Variants in VGLL4 observed in about 807,000 individuals in gnomAD.
The protein encoded by VGLL4 is transcription cofactor vestigial-like protein 4.
VGLL4 carries 7 observed loss-of-function variants against 21.0 expected under a neutral mutation model. That is an observed-to-expected ratio of 0.33 (90% CI 0.19 to 0.63). The LOEUF is 0.63. VGLL4 is among the 20% of genes least tolerant of loss of function. The pLI, the probability that VGLL4 is intolerant of heterozygous loss-of-function variation, is 0.78. For synonymous variants in VGLL4, 222 were observed against 173.2 expected, an observed-to-expected ratio of 1.28 and a Z score of -2.21; for missense variants, 394 against 425.7, an observed-to-expected ratio of 0.93 and a Z score of 0.66.
intron 2 of VGLL4, among the ~76,000 whole-genome samples, chr3:11,578,613 A>C (rs1354000201): frequency 6.6e-6 from 1 of 151,410 alleles, no homozygotes; most frequent in Non-Finnish European, 1.5e-5. Context: ...AAAAAAAAGT[A>C]ATAATAATAA....
intron 2 of VGLL4, among the ~76,000 whole-genome samples, chr3:11,580,106 C>T (rs1343900044): frequency 6.6e-6 from 1 of 152,202 alleles, no homozygotes; most frequent in African/African-American, 2.4e-5. Context: ...GTGCCGCCAA[C>T]CGCACCATCC....
At chr3:11,679,002 CAT>C (rs1297587247) in intron 2 of VGLL4, among the ~76,000 whole-genome samples, 1 of 152,076 alleles carries the variant, frequency 6.6e-6, no homozygotes, top group Non-Finnish European at 1.5e-5. Flanking sequence ...CGCTGCCAGT[CAT>C]ATAAAAGTTT....
intron 1 of VGLL4, among the ~76,000 whole-genome samples, chr3:11,629,377 G>A (rs1237455546): frequency 6.7e-6 from 1 of 150,070 alleles, no homozygotes; most frequent in Non-Finnish European, 1.5e-5. Flanking sequence ...AAAAAAAAAG[G>A]TTAAGGTCCA....
chr3:11,606,436 G>A (rs2074942139), intron 1 of VGLL4, among the ~76,000 whole-genome samples: 1 of 152,236 alleles, frequency 6.6e-6, no homozygotes, highest in African/African-American at 2.4e-5. Context: ...AAAAGTGTTA[G>A]CAAGGATGTG....
chr3:11,671,915 A>G (rs2125368904), intron 2 of VGLL4, among the ~76,000 whole-genome samples: 1 of 152,286 alleles, frequency 6.6e-6, no homozygotes, highest in African/African-American at 2.4e-5. Flanking sequence ...TTATTTTTTG[A>G]CTAACTTCTT....
chr3:11,625,728 T>C (rs1243765588), intron 1 of VGLL4, among the ~76,000 whole-genome samples: 1 of 152,012 alleles, frequency 6.6e-6, no homozygotes, highest in Non-Finnish European at 1.5e-5. Flanking sequence ...TTTTTTTTTT[T>C]TGTAAATAAA....
chr3:11,700,541 C>T (rs1454769422), intron 2 of VGLL4, among the ~76,000 whole-genome samples: 2 of 152,122 alleles, frequency 1.3e-5, no homozygotes, highest in Admixed American at 6.5e-5. Context: ...CTCCCTTCAC[C>T]CCCAAAAACT....
At chr3:11,671,071 G>A (rs541952105) in intron 2 of VGLL4, among the ~76,000 whole-genome samples, 1 of 152,292 alleles carries the variant, frequency 6.6e-6, no homozygotes, top group East Asian at 1.9e-4. Flanking sequence ...GTGCATTAAG[G>A]AGAGTCGACA....
intron 1 of VGLL4, among the ~76,000 whole-genome samples, chr3:11,629,980 G>A (rs1559911065): frequency 6.6e-6 from 1 of 151,782 alleles, no homozygotes; most frequent in South Asian, 2.1e-4. Context: ...AAAGGAAAGT[G>A]TTCTCAAAAA....
intron 1 of VGLL4, among the ~76,000 whole-genome samples, chr3:11,637,533 TTCTC>T (rs1210831594): frequency 6.6e-6 from 1 of 152,252 alleles, no homozygotes. Flanking sequence ...TAAGAATAGA[TTCTC>T]TATTTCATTT....
In VGLL4 at chr3:11,621,086, GCACA is replaced by G. The variant is rs371321183; in HGVS notation, c.83-19068_83-19065del. Among the ~76,000 whole-genome samples the G allele has an allele frequency of 7.1e-4, 108 of 152,236 alleles. 1 individual carries two copies. In the East Asian group the frequency reaches 0.018, roughly 25 times the overall value. On this transcript the variant is annotated intron_variant, in intron 1 of 4. Coordinates refer to ENST00000430365, the MANE Select transcript of VGLL4 (RefSeq NM_001128219.3). ...GCACAATATTTTAATGTAAGCAAAT[GCACA>G]CACACAAAGAACTTTGCAAAGAATG...
chr3:11,618,415 T>C (rs531652144), intron 1 of VGLL4, among the ~76,000 whole-genome samples: 1 of 152,220 alleles, frequency 6.6e-6, no homozygotes, highest in South Asian at 2.1e-4. Context: ...TATTGGAGAG[T>C]TACTGGAGAG....
intron 2 of VGLL4, among the ~76,000 whole-genome samples, chr3:11,688,372 T>A (rs941481061): frequency 4.6e-5 from 7 of 152,160 alleles, no homozygotes; most frequent in African/African-American, 1.7e-4. Flanking sequence ...TTTGGTAAAA[T>A]TCACCTATAA....
At chr3:11,583,763 C>T (rs1333199985) in intron 2 of VGLL4, among the ~76,000 whole-genome samples, 1 of 152,190 alleles carries the variant, frequency 6.6e-6, no homozygotes, top group South Asian at 2.1e-4. Context: ...GGGCACATTC[C>T]TGCCCATCAC....
At chr3:11,674,147 T>C (rs1180401156) in intron 2 of VGLL4, among the ~76,000 whole-genome samples, 1 of 149,636 alleles carries the variant, frequency 6.7e-6, no homozygotes, top group African/African-American at 2.5e-5. Flanking sequence ...CTACACTCAA[T>C]CTATCAATCC....
intron 2 of VGLL4, among the ~76,000 whole-genome samples, chr3:11,574,783 ATATGTGTGTGTG>A (rs1227204549): frequency 2.4e-3 from 273 of 111,856 alleles, no homozygotes; most frequent in African/African-American, 7.8e-3. Context: ...ATTCAACTAT[ATATGTGTGTGTG>A]TGTGTGTGTG....
intron 2 of VGLL4, among the ~76,000 whole-genome samples, chr3:11,651,994 C>T (rs901502661): frequency 3.3e-5 from 5 of 152,162 alleles, no homozygotes; most frequent in African/African-American, 4.8e-5. Flanking sequence ...AGTTAAAACA[C>T]ACTCAACTTC....
intron 1 of VGLL4, among the ~76,000 whole-genome samples, chr3:11,627,859 C>T (rs1029205298): frequency 6.6e-6 from 1 of 152,120 alleles, no homozygotes; most frequent in South Asian, 2.1e-4. Flanking sequence ...GAGGACAAAG[C>T]ATCTTGCTAG....
At chr3:11,579,188 GGGGGAAA>G (rs1400213656) in intron 2 of VGLL4, among the ~76,000 whole-genome samples, 1 of 149,554 alleles carries the variant, frequency 6.7e-6, no homozygotes, top group Non-Finnish European at 1.5e-5. Context: ...TCCAAAACTA[GGGGGAAA>G]GGGTTGGCCA....
Sources: gnomAD v4.1 joint callset for allele counts (sites outside exome capture counted in the v4.1 genomes callset) on GRCh38, gnomAD v4.1.1 for gene constraint, MANE v1.5 for transcripts, NCBI Gene and HGNC (gene_info 2026-07-23, HGNC 2026-07-21) for gene names.